Variants in RICTOR observed in about 807,000 individuals in gnomAD.
The protein encoded by RICTOR is rapamycin-insensitive companion of mTOR.
A neutral mutation model predicts 214.9 loss-of-function variants in RICTOR; 49 were observed. The observed-to-expected ratio is 0.23, with a 90% CI of 0.18 to 0.29. The LOEUF is 0.29. RICTOR is among the 10% of genes least tolerant of loss of function. The pLI, the probability that RICTOR is intolerant of heterozygous loss-of-function variation, is 1.00. For synonymous variants in RICTOR, 717 were observed against 711.3 expected (o/e 1.01, Z -0.13); for missense variants, 1,625 against 2,047.0 (o/e 0.79, Z 3.98).
intron 5 of RICTOR, among the ~76,000 whole-genome samples, chr5:38,999,800 ATAGTC>A (rs1290760888): frequency 6.6e-6 from 1 of 152,060 alleles, no homozygotes; most frequent in East Asian, 1.9e-4. Context: ...CTAGACATAA[ATAGTC>A]TAAATACTCC....
At chr5:39,058,493 C>T (rs574540543) in intron 2 of RICTOR, among the ~76,000 whole-genome samples, 3 of 152,060 alleles carry the variant, frequency 2.0e-5, no homozygotes, top group South Asian at 2.1e-4. Flanking sequence ...TTATGACTTC[C>T]GTCTATGTAA....
At chr5:39,069,601 T>G (rs556553209) in intron 2 of RICTOR, among the ~76,000 whole-genome samples, 1 of 152,306 alleles carries the variant, frequency 6.6e-6, no homozygotes, top group African/African-American at 2.4e-5. Flanking sequence ...GAAATAAAAT[T>G]CACTGCATAG....
At chr5:38,947,140 G>T in intron 32 of RICTOR, 124 bp downstream of exon 32, 1 of 665,504 alleles carries the variant, frequency 1.5e-6, no homozygotes, top group Non-Finnish European at 2.6e-6. Flanking sequence ...AAACAAAACG[G>T]TCTTAAAAAT....
rs775877907 is a variant in RICTOR at position 38,991,087 on chromosome 5, G to A, written c.457-12C>T. 1 of 1,572,430 alleles carries A rather than the reference G, an allele frequency of 6.4e-7. No homozygotes were observed. Among genetic ancestry groups the A allele is most frequent in the Non-Finnish European group, 8.6e-7 (1 of 1,157,066 alleles). On this transcript the variant is annotated splice_polypyrimidine_tract_variant and intron_variant, in intron 6 of 37. Transcript: ENST00000357387. ...TTCACAGTAATCATCTGTAACAGAA[G>A]GAATCAGAAAAAGAAGTTACTTTAG...
In RICTOR at chr5:39,002,453, C is replaced by T. The variant is rs1203168692; in HGVS notation, c.392+82G>A. ...AATTCATCAAAGTTACACTACAGTACAAATCTATACACTTTATGGCAGGCA... is the reference window on the plus strand; with the variant it reads ...AATTCATCAAAGTTACACTACAGTATAAATCTATACACTTTATGGCAGGCA... On this transcript the variant is annotated intron_variant, in intron 5 of 37. Coordinates refer to ENST00000357387, the MANE Select transcript of RICTOR (RefSeq NM_152756.5). 9 of 845,360 alleles carry T rather than the reference C, an allele frequency of 1.1e-5. No individual in the cohort carries two copies. In the East Asian group the frequency reaches 1.7e-4, roughly 16 times the overall value. The allele number at this position is 845,360 out of a possible 1,614,324, so 52.4% of individuals were successfully genotyped here.
At chr5:38,966,801 A>AT (rs11435048) in intron 14 of RICTOR, 80 bp from the exon 15 acceptor site, 253,930 of 545,512 alleles carry the variant, frequency 0.47, 25,146 homozygotes, top group African/African-American at 0.57. Flanking sequence ...ATTTTTCAAA[A>AT]TTTTTTTTTT....
chr5:39,039,794 A>G (rs1181531533), intron 2 of RICTOR, among the ~76,000 whole-genome samples: 1 of 152,172 alleles, frequency 6.6e-6, no homozygotes, highest in African/African-American at 2.4e-5. Context: ...TTAGAATGGC[A>G]ATCATTAAAA....
chr5:38,938,768 A>C lies in RICTOR; in HGVS notation c.*3536T>G, dbSNP rs1423108868. On this transcript the variant is annotated 3_prime_UTR_variant, in exon 38 of 38. Coordinates refer to ENST00000357387, the MANE Select transcript of RICTOR (RefSeq NM_152756.5). ...TGGTATGCTTTTAAATGAGATTCTC[A>C]CTGTAATGACACTCTTGAGATTAAG... is the stretch of plus-strand genomic sequence containing the variant. 4.3e-6 allele frequency: 1 copy of C among 232,928 alleles called. No individual in the cohort carries two copies. Among genetic ancestry groups the C allele is most frequent in the Non-Finnish European group, 8.5e-6 (1 of 117,682 alleles). The allele number at this position is 232,928 out of a possible 1,614,324, so 14.4% of individuals were successfully genotyped here.
chr5:38,958,876 A>G (rs1180994260), intron 22 of RICTOR, 45 bp from the exon 23 acceptor site: 2 of 1,283,858 alleles, frequency 1.6e-6, no homozygotes, highest in South Asian at 3.5e-5. Flanking sequence ...AAACTTCAGC[A>G]TAAATAGCCT....
intron 2 of RICTOR, among the ~76,000 whole-genome samples, chr5:39,063,846 A>C (rs1758715691): frequency 6.6e-6 from 1 of 152,080 alleles, no homozygotes. Context: ...AAAAAAAAAA[A>C]GGAAAAGTAA....
At chr5:38,946,925 G>A (rs1748271329) in intron 32 of RICTOR, among the ~76,000 whole-genome samples, 1 of 151,970 alleles carries the variant, frequency 6.6e-6, no homozygotes, top group Non-Finnish European at 1.5e-5. Flanking sequence ...TAGGAATGAG[G>A]ATTTAAAAAT....
At chr5:39,016,314 G>A (rs78134610) in intron 3 of RICTOR, among the ~76,000 whole-genome samples, 2,100 of 147,612 alleles carry the variant, frequency 0.014, 53 homozygotes, top group African/African-American at 0.048. Flanking sequence ...AGAAAAGGAA[G>A]GAGAGGGGGA....
rs2592309 is a variant in RICTOR, at chr5:38,997,101, G to C, written c.393-219C>G. Reference sequence around the variant, plus strand: ...AAAGACCAATTTTTTCTTTTAAAACGTTAGGAAAGAACAGTATAGTAATTT... The same window carrying C: ...AAAGACCAATTTTTTCTTTTAAAACCTTAGGAAAGAACAGTATAGTAATTT... On this transcript the variant is annotated intron_variant, in intron 5 of 37. Coordinates refer to ENST00000357387, the MANE Select transcript of RICTOR (RefSeq NM_152756.5). Among the ~76,000 whole-genome samples the C allele has an allele frequency of 0.045, 6,835 of 151,966 alleles. 280 individuals are homozygous for C. Among genetic ancestry groups the C allele is most frequent in the African/African-American group, 0.1 (4,300 of 41,440 alleles).
At chr5:38,991,783 A>ATTCCC (rs1248375914) in intron 6 of RICTOR, among the ~76,000 whole-genome samples, 1 of 152,216 alleles carries the variant, frequency 6.6e-6, no homozygotes, top group Non-Finnish European at 1.5e-5. Flanking sequence ...GAAAACAGGT[A>ATTCCC]ACATATGTCT....
chr5:38,997,015 G>A, intron 5 of RICTOR, 133 bp from the exon 6 acceptor site: 1 of 644,618 alleles, frequency 1.6e-6, no homozygotes, highest in South Asian at 1.9e-5. Context: ...TGATTTCTCA[G>A]TACCAGCATA....
intron 2 of RICTOR, among the ~76,000 whole-genome samples, chr5:39,070,927 G>C (rs1294180536): frequency 1.3e-5 from 2 of 152,180 alleles, no homozygotes; most frequent in Non-Finnish European, 2.9e-5. Context: ...AAATTAAGTA[G>C]TTGTCTGAAC....
chr5:39,015,954 T>C (rs987003263), intron 3 of RICTOR, among the ~76,000 whole-genome samples: 1 of 152,102 alleles, frequency 6.6e-6, no homozygotes, highest in African/African-American at 2.4e-5. Flanking sequence ...CTCCATCTGT[T>C]TCATCTAAAG....
Position 38,954,693 on chromosome 5 carries a change from A to G in RICTOR, c.2697+81T>C, listed in dbSNP as rs186314351. On this transcript the variant is annotated intron_variant, in intron 27 of 37. Transcript: ENST00000357387. ...TTAAAGCTTTTGAGAAGTTTTTGCA[A>G]AGGTAATATTTTAGCAATGTTAAGA... 39 of 851,162 alleles carry G rather than the reference A, an allele frequency of 4.6e-5. No homozygotes were observed. The East Asian group carries it at 6.2e-4, about 14-fold the overall frequency. The allele number at this position is 851,162 out of a possible 1,614,324, so 52.7% of individuals were successfully genotyped here. A position where few individuals can be genotyped will look rare whatever the true frequency, so the allele number is the denominator to read the frequency against.
chr5:39,018,817 T>C (rs1755165260), intron 3 of RICTOR, among the ~76,000 whole-genome samples: 1 of 152,096 alleles, frequency 6.6e-6, no homozygotes, highest in Admixed American at 6.6e-5. Flanking sequence ...GTCAACCATC[T>C]CTCACTTTAA....
Sources: allele counts gnomAD v4.1 joint callset (sites outside exome capture counted in the v4.1 genomes callset), GRCh38; gene constraint gnomAD v4.1.1; transcripts MANE v1.5; gene names NCBI Gene and HGNC (gene_info 2026-07-23, HGNC 2026-07-21).